Variants in PCDH7 observed in about 807,000 individuals in gnomAD.
The protein encoded by PCDH7 is protocadherin-7.
PCDH7 carries 17 observed loss-of-function variants against 58.9 expected under a neutral mutation model. The ratio of observed to expected loss-of-function variants is 0.29; its 90% CI spans 0.20 to 0.43. PCDH7 has a LOEUF of 0.43. PCDH7 is among the 20% of genes least tolerant of loss of function. PCDH7 has a pLI of 1.00. For synonymous variants in PCDH7, 664 were observed against 616.4 expected, an observed-to-expected ratio of 1.08 and a Z score of -1.14; for missense variants, 1,274 against 1,441.0, an observed-to-expected ratio of 0.88 and a Z score of 1.88.
At chr4:30,898,063 T>C (rs1179034578) in intron 1 of PCDH7, among the ~76,000 whole-genome samples, 1 of 152,210 alleles carries the variant, frequency 6.6e-6, no homozygotes, top group Admixed American at 6.5e-5. Flanking sequence ...TTTTCCAATT[T>C]GCAGTAAGAT....
At chr4:31,097,254 C>T (rs551712077) in intron 3 of PCDH7, among the ~76,000 whole-genome samples, 1 of 151,628 alleles carries the variant, frequency 6.6e-6, no homozygotes, top group Non-Finnish European at 1.5e-5. Flanking sequence ...GTCAGGAGTT[C>T]GAGACCAGGC....
intron 1 of PCDH7, among the ~76,000 whole-genome samples, chr4:30,766,301 A>G (rs923984547): frequency 6.6e-6 from 1 of 152,138 alleles, no homozygotes; most frequent in Non-Finnish European, 1.5e-5. Flanking sequence ...AGGCTGAGGC[A>G]GGGGGATCCC....
chr4:30,985,393 A>G (rs929282188), intron 3 of PCDH7, among the ~76,000 whole-genome samples: 1 of 152,108 alleles, frequency 6.6e-6, no homozygotes, highest in African/African-American at 2.4e-5. Flanking sequence ...TTTTCAACAA[A>G]TGTTATTCCA....
intron 3 of PCDH7, among the ~76,000 whole-genome samples, chr4:31,033,261 A>G (rs1433597729): frequency 6.6e-6 from 1 of 152,226 alleles, no homozygotes; most frequent in Non-Finnish European, 1.5e-5. Context: ...AGCATGCTCC[A>G]TCAATAGGTC....
intron 3 of PCDH7, among the ~76,000 whole-genome samples, chr4:31,013,564 G>A (rs145218161): frequency 0.012 from 1,683 of 144,430 alleles, 25 homozygotes; most frequent in Admixed American, 0.05. Flanking sequence ...CTTTCCCAGA[G>A]AAAGAGTATG....
At chr4:31,120,441 C>CTTTTTTTTTTTTTTTTTTTTTTTTTT (rs138878762) in intron 3 of PCDH7, among the ~76,000 whole-genome samples, 3 of 107,998 alleles carry the variant, frequency 2.8e-5, no homozygotes, top group Admixed American at 9.5e-5. Flanking sequence ...CTATTTTTTT[C>CTTTTTTTTTTTTTTTTTTTTTTTTTT]TTTTTTTTTT....
chr4:31,095,720 A>G (rs764035234), intron 3 of PCDH7, among the ~76,000 whole-genome samples: 2 of 152,186 alleles, frequency 1.3e-5, no homozygotes, highest in Non-Finnish European at 2.9e-5. Context: ...AAGGGAAATA[A>G]CATCCCTTTA....
At chr4:30,743,465 G>T (rs1202674394) in intron 1 of PCDH7, among the ~76,000 whole-genome samples, 1 of 151,656 alleles carries the variant, frequency 6.6e-6, no homozygotes, top group Non-Finnish European at 1.5e-5. Context: ...TTTCTTGCTG[G>T]GCCTTTTTAC....
chr4:31,119,438 T>C (rs567668639), intron 3 of PCDH7, among the ~76,000 whole-genome samples: 2 of 152,152 alleles, frequency 1.3e-5, no homozygotes, highest in African/African-American at 4.8e-5. Context: ...TCCATATGGG[T>C]CTGCAGCAAC....
At chr4:30,817,211 C>T (rs1050425376) in intron 1 of PCDH7, among the ~76,000 whole-genome samples, 3 of 152,146 alleles carry the variant, frequency 2.0e-5, no homozygotes, top group African/African-American at 7.2e-5. Context: ...GGACCTTAAG[C>T]AGGTCATCTC....
chr4:30,851,745 A>G (rs1248638044), intron 1 of PCDH7, among the ~76,000 whole-genome samples: 1 of 152,072 alleles, frequency 6.6e-6, no homozygotes, highest in Non-Finnish European at 1.5e-5. Context: ...AGAAGTAACC[A>G]TTACTTCTTT....
intron 3 of PCDH7, among the ~76,000 whole-genome samples, chr4:30,985,961 G>C (rs1024656833): frequency 1.3e-5 from 2 of 151,146 alleles, no homozygotes; most frequent in Non-Finnish European, 3.0e-5. Context: ...ACCATCCTCT[G>C]ACCCTGTAAC....
chr4:31,044,880 G>A (rs1756158163), intron 3 of PCDH7, among the ~76,000 whole-genome samples: 1 of 152,032 alleles, frequency 6.6e-6, no homozygotes, highest in Non-Finnish European at 1.5e-5. Flanking sequence ...ATTTTCCCAA[G>A]TTGAAACACA....
At chr4:30,861,597 A>C (rs542750496) in intron 1 of PCDH7, among the ~76,000 whole-genome samples, 25 of 152,186 alleles carry the variant, frequency 1.6e-4, no homozygotes, top group Non-Finnish European at 3.1e-4. Flanking sequence ...TGATTACTAA[A>C]TTCAGTATAG....
At chr4:31,088,313 T>C (rs943423169) in intron 3 of PCDH7, among the ~76,000 whole-genome samples, 4 of 152,098 alleles carry the variant, frequency 2.6e-5, no homozygotes, top group Non-Finnish European at 4.4e-5. Context: ...GAGATGTATA[T>C]GACTTTAGGT....
chr4:30,969,613 A>T (rs751203474), intron 3 of PCDH7, among the ~76,000 whole-genome samples: 1 of 152,178 alleles, frequency 6.6e-6, no homozygotes, highest in East Asian at 1.9e-4. Flanking sequence ...GAGATCTAAG[A>T]ATGCTTGGAA....
chr4:31,078,639 AT>A (rs10709152), intron 3 of PCDH7, among the ~76,000 whole-genome samples: 24,010 of 72,572 alleles, frequency 0.33, 2,320 homozygotes, highest in Non-Finnish European at 0.41. Flanking sequence ...ACCATGCCCC[AT>A]TTTTTTTTTT....
chr4:30,999,468 T>A (rs1752169810), intron 3 of PCDH7, among the ~76,000 whole-genome samples: 1 of 152,078 alleles, frequency 6.6e-6, no homozygotes, highest in Non-Finnish European at 1.5e-5. Context: ...CATTCACAAA[T>A]ATGCAGGGGA....
intron 1 of PCDH7, among the ~76,000 whole-genome samples, chr4:30,860,444 G>A (rs2109353674): frequency 6.6e-6 from 1 of 151,622 alleles, no homozygotes; most frequent in East Asian, 1.9e-4. Context: ...CTTTGTTTTA[G>A]CATCAGCCAT....
Sources: gnomAD v4.1 joint callset for allele counts (sites outside exome capture counted in the v4.1 genomes callset) on GRCh38, gnomAD v4.1.1 for gene constraint, MANE v1.5 for transcripts, NCBI Gene and HGNC (gene_info 2026-07-23, HGNC 2026-07-21) for gene names.